Variants in AUTS2 observed in about 807,000 individuals in gnomAD.
The protein encoded by AUTS2 is activator of transcription and developmental regulator AUTS2, also known as autism susceptibility gene 2 protein.
AUTS2 carries 17 observed loss-of-function variants against 112.4 expected under a neutral mutation model. The observed-to-expected ratio is 0.15, with a 90% confidence interval of 0.10 to 0.23. The LOEUF (loss-of-function observed/expected upper bound fraction) is 0.23. Among genes scored for constraint, AUTS2 ranks in the 10% least tolerant of loss-of-function variants. The pLI is 1.00. For missense variants in AUTS2, 1,510 were observed against 1,701.6 expected, an observed-to-expected ratio of 0.89 and a Z score of 1.98; for synonymous variants, 751 against 702.7, an observed-to-expected ratio of 1.07 and a Z score of -1.09.
chr7:69,799,074 A>AT (rs528994896), intron 1 of AUTS2, among the ~76,000 whole-genome samples: 220 of 149,624 alleles, frequency 1.5e-3, no homozygotes, highest in African/African-American at 5.0e-3. Context: ...TAAGTATGGT[A>AT]TTTTTTTTTT....
chr7:70,065,182 A>G (rs1802431651), intron 2 of AUTS2, among the ~76,000 whole-genome samples: 1 of 151,704 alleles, frequency 6.6e-6, no homozygotes, highest in Non-Finnish European at 1.5e-5. Context: ...ATTCCTGTGA[A>G]CCCCAACCCT....
intron 6 of AUTS2, among the ~76,000 whole-genome samples, chr7:70,758,599 A>C (rs755342048): frequency 2.6e-5 from 4 of 152,232 alleles, no homozygotes; most frequent in Non-Finnish European, 4.4e-5. Flanking sequence ...AACTATTTTT[A>C]TAATCACAAG....
intron 4 of AUTS2, among the ~76,000 whole-genome samples, chr7:70,271,374 G>C (rs192463743): frequency 7.3e-4 from 111 of 151,902 alleles, no homozygotes; most frequent in Non-Finnish European, 1.2e-3. Context: ...AAAATCAATA[G>C]AATTGCTTGT....
intron 4 of AUTS2, among the ~76,000 whole-genome samples, chr7:70,417,483 T>TGGAGAG (rs1795036022): frequency 6.6e-6 from 1 of 152,086 alleles, no homozygotes; most frequent in South Asian, 2.1e-4. Flanking sequence ...GAGAGAGACT[T>TGGAGAG]GGAGAGCACA....
intron 4 of AUTS2, among the ~76,000 whole-genome samples, chr7:70,286,794 G>C (rs1462371770): frequency 2.0e-5 from 3 of 152,194 alleles, no homozygotes; most frequent in African/African-American, 7.2e-5. Flanking sequence ...AGCTACCATA[G>C]GGATCATGTT....
At chr7:70,688,701 C>T (rs914305455) in intron 5 of AUTS2, among the ~76,000 whole-genome samples, 2 of 152,122 alleles carry the variant, frequency 1.3e-5, no homozygotes, top group African/African-American at 4.8e-5. Context: ...GGCGCATGCC[C>T]ATAGTCCCAG....
chr7:70,232,019 C>T (rs1326422446), intron 4 of AUTS2, among the ~76,000 whole-genome samples: 2 of 152,108 alleles, frequency 1.3e-5, no homozygotes, highest in African/African-American at 2.4e-5. Context: ...ATGATCCGCC[C>T]ACCTCAGCCT....
chr7:70,500,279 G>A (rs776296395), intron 5 of AUTS2, among the ~76,000 whole-genome samples: 10 of 152,080 alleles, frequency 6.6e-5, no homozygotes, highest in Non-Finnish European at 1.5e-4. Context: ...TCTTGGAAAA[G>A]CAGCCTACTT....
At chr7:70,124,790 T>C (rs1805873929) in intron 3 of AUTS2, among the ~76,000 whole-genome samples, 1 of 152,174 alleles carries the variant, frequency 6.6e-6, no homozygotes, top group Non-Finnish European at 1.5e-5. Flanking sequence ...CTCAAACTCC[T>C]GACCTCGTGA....
At chr7:70,788,460 G>A (rs1234831892) in intron 18 of AUTS2, among the ~76,000 whole-genome samples, 2 of 152,146 alleles carry the variant, frequency 1.3e-5, no homozygotes, top group African/African-American at 4.8e-5. Context: ...CTTAACCACT[G>A]GGAGGAATGT....
intron 1 of AUTS2, among the ~76,000 whole-genome samples, chr7:69,681,796 G>A (rs754182817): frequency 1.3e-5 from 2 of 152,132 alleles, no homozygotes; most frequent in South Asian, 4.1e-4. Context: ...ATTTCTTTTT[G>A]CACCAGATAG....
chr7:70,357,028 G>A (rs1562904948), intron 4 of AUTS2, among the ~76,000 whole-genome samples: 3 of 152,206 alleles, frequency 2.0e-5, no homozygotes, highest in Admixed American at 6.5e-5. Context: ...GACACATTGT[G>A]TGTGGGATAG....
chr7:69,732,017 C>A (rs531627491), intron 1 of AUTS2, among the ~76,000 whole-genome samples: 4 of 150,798 alleles, frequency 2.7e-5, no homozygotes, highest in African/African-American at 7.3e-5. Flanking sequence ...TTTTTTTTTC[C>A]GCCATGCCTC....
chr7:70,068,535 T>G (rs1264226475), intron 2 of AUTS2, among the ~76,000 whole-genome samples: 2 of 152,152 alleles, frequency 1.3e-5, no homozygotes, highest in African/African-American at 2.4e-5. Flanking sequence ...ATGATAAAAA[T>G]TATCATCATG....
At chr7:70,013,742 G>C in intron 2 of AUTS2, among the ~76,000 whole-genome samples, 1 of 151,994 alleles carries the variant, frequency 6.6e-6, no homozygotes, top group East Asian at 1.9e-4. Flanking sequence ...TTTTTGAGAC[G>C]GAGTCTCTCT....
chr7:69,769,959 T>C (rs975176900), intron 1 of AUTS2, among the ~76,000 whole-genome samples: 8 of 152,214 alleles, frequency 5.3e-5, no homozygotes, highest in African/African-American at 1.7e-4. Flanking sequence ...TTCATTGTTA[T>C]AAGAAAACTA....
intron 5 of AUTS2, among the ~76,000 whole-genome samples, chr7:70,638,595 C>T (rs1482831502): frequency 6.6e-6 from 1 of 151,892 alleles, no homozygotes; most frequent in Admixed American, 6.6e-5. Context: ...AAGGACTGTG[C>T]GAGCGAGCAC....
intron 4 of AUTS2, among the ~76,000 whole-genome samples, chr7:70,415,971 AC>A (rs1403837594): frequency 1.3e-5 from 2 of 152,118 alleles, no homozygotes; most frequent in African/African-American, 4.8e-5. Flanking sequence ...CTTGAACCCT[AC>A]GTGTGAGAGA....
At chr7:70,542,155 T>C (rs1176905623) in intron 5 of AUTS2, among the ~76,000 whole-genome samples, 1 of 152,216 alleles carries the variant, frequency 6.6e-6, no homozygotes, top group African/African-American at 2.4e-5. Context: ...GTCTATGTCA[T>C]TGCTCAAGTT....
Sources: allele counts gnomAD v4.1 joint callset (sites outside exome capture counted in the v4.1 genomes callset), GRCh38; gene constraint gnomAD v4.1.1; transcripts MANE v1.5; gene names NCBI Gene and HGNC (gene_info 2026-07-23, HGNC 2026-07-21).